RIC1: variants seen among roughly 807,000 people sequenced by gnomAD.
RIC1 encodes the protein guanine nucleotide exchange factor subunit RIC1.
Under a neutral mutation model 169.0 loss-of-function variants are expected in RIC1, and 88 were observed. The observed-to-expected ratio is 0.52, with a 90% CI of 0.44 to 0.62. The LOEUF (loss-of-function observed/expected upper bound fraction) is 0.62, where lower values mean the gene tolerates loss of function less well. Among genes scored for constraint, RIC1 ranks in the 20% least tolerant of loss-of-function variants. The pLI, the probability that RIC1 is intolerant of heterozygous loss-of-function variation, is 0.00. For missense variants in RIC1, 1,877 were observed against 1,725.5 expected (o/e 1.09, Z -1.56); for synonymous variants, 790 against 601.5 (o/e 1.31, Z -4.59).
chr9:5,674,903 T>C (rs1820352203), intron 2 of RIC1, among the ~76,000 whole-genome samples: 1 of 152,252 alleles, frequency 6.6e-6, no homozygotes, highest in Non-Finnish European at 1.5e-5. Flanking sequence ...TCTAAATTGA[T>C]TGAGACCTGT....
chr9:5,647,542 A>G (rs915338747), intron 1 of RIC1, among the ~76,000 whole-genome samples: 2 of 152,138 alleles, frequency 1.3e-5, no homozygotes, highest in African/African-American at 4.8e-5. Context: ...GTTTAGTCCT[A>G]AGTACTTTAT....
intron 1 of RIC1, among the ~76,000 whole-genome samples, chr9:5,637,979 T>C (rs987364630): frequency 2.0e-5 from 3 of 152,222 alleles, no homozygotes; most frequent in African/African-American, 7.2e-5. Flanking sequence ...ATACTAGCTA[T>C]GGGTCTGTTA....
intron 3 of RIC1, among the ~76,000 whole-genome samples, chr9:5,699,322 G>A (rs959666937): frequency 2.6e-5 from 4 of 152,200 alleles, no homozygotes; most frequent in Non-Finnish European, 4.4e-5. Flanking sequence ...TGTGGGGTAT[G>A]TGTGTGAGTG....
chr9:5,665,801 C>T lies in RIC1; in HGVS notation c.252+9111C>T, dbSNP rs545873088. On this transcript the variant is annotated intron_variant, in intron 2 of 25. Coordinates refer to ENST00000414202, the MANE Select transcript of RIC1 (RefSeq NM_020829.4). ...GCAAAACAGCAAAGATGGCAGCCTC[C>T]TTCTTCTTTGGAAGCTCCTTCACAG... is the stretch of plus-strand genomic sequence containing the variant. 4.6e-5 allele frequency among the ~76,000 whole-genome samples: 7 copies of T among 152,270 alleles called. No individual in the cohort carries two copies. The South Asian group carries it at 1.0e-3, about 23-fold the overall frequency.
chr9:5,728,232 C>A (rs375780418), intron 6 of RIC1, among the ~76,000 whole-genome samples: 2 of 152,228 alleles, frequency 1.3e-5, no homozygotes, highest in East Asian at 3.9e-4. Context: ...CCTATTCAAG[C>A]CTTAGCAATG....
intron 2 of RIC1, 33 bp downstream of exon 2, chr9:5,656,723 T>C: frequency 8.1e-7 from 1 of 1,230,360 alleles, no homozygotes; most frequent in Non-Finnish European, 1.2e-6. Flanking sequence ...TAGTGTTTTC[T>C]TATGAAATCA....
chr9:5,727,858 C>A (rs978325096), intron 6 of RIC1, among the ~76,000 whole-genome samples: 1 of 152,182 alleles, frequency 6.6e-6, no homozygotes, highest in Admixed American at 6.5e-5. Context: ...CAGAACAGCA[C>A]ATATTGCAGA....
intron 2 of RIC1, among the ~76,000 whole-genome samples, chr9:5,669,731 C>T (rs558589165): frequency 6.6e-6 from 1 of 152,248 alleles, no homozygotes; most frequent in Admixed American, 6.5e-5. Context: ...AGAGATTGGG[C>T]TCACTTCTTC....
chr9:5,705,713 G>A (rs761467764), intron 3 of RIC1, among the ~76,000 whole-genome samples: 30 of 152,174 alleles, frequency 2.0e-4, no homozygotes, highest in Non-Finnish European at 3.8e-4. Context: ...ATGCATGATC[G>A]TAGCGGGAAA....
intron 2 of RIC1, 106 bp from the exon 3 acceptor site, chr9:5,689,853 T>A: frequency 1.4e-6 from 1 of 699,012 alleles, no homozygotes; most frequent in South Asian, 1.9e-5. Context: ...AGGGAGGGTA[T>A]TGGAGAATAA....
At chr9:5,712,156 C>T (rs990115907) in intron 3 of RIC1, among the ~76,000 whole-genome samples, 3 of 152,216 alleles carry the variant, frequency 2.0e-5, no homozygotes, top group African/African-American at 7.2e-5. Context: ...GCCACACTGT[C>T]TTCCACAATA....
rs1826658979 is a variant in RIC1, at chr9:5,765,409, T to C, written c.2842-5T>C. 2 of 1,608,954 alleles carry C rather than the reference T, an allele frequency of 1.2e-6. No homozygotes were observed. The highest frequency in any genetic ancestry group is 1.1e-5 in the South Asian group (1 of 90,038). The stretch of plus-strand genomic sequence containing the variant: ...AAAGAATGCTGTCCTGGTTGTTTTT[T>C]GTAGAATATGGAAGTCCCTGCAGTA... On this transcript the variant is annotated splice_region_variant and splice_polypyrimidine_tract_variant and intron_variant, in intron 19 of 25. Coordinates refer to ENST00000414202, the MANE Select transcript of RIC1 (RefSeq NM_020829.4).
intron 2 of RIC1, among the ~76,000 whole-genome samples, chr9:5,660,529 T>C (rs1266704468): frequency 6.6e-6 from 1 of 152,224 alleles, no homozygotes; most frequent in African/African-American, 2.4e-5. Context: ...TTTTTGACTT[T>C]TTAGTAATAG....
rs114255892 is a variant in RIC1 at position 5,708,302 on chromosome 9, A to C, written c.333-5594A>C. Among the ~76,000 whole-genome samples the C allele has an allele frequency of 9.4e-3, 1,425 of 152,252 alleles. 24 individuals carry two copies. The highest frequency in any genetic ancestry group is 0.032 in the African/African-American group (1,313 of 41,566). On this transcript the variant is annotated intron_variant, in intron 3 of 25. Coordinates refer to ENST00000414202, the MANE Select transcript of RIC1 (RefSeq NM_020829.4). ...ACTTGTCTTTTGAGTCATATAGGGA[A>C]AAAAAGGCAGATTTCTGAACCAAAA...
chr9:5,715,459 G>T (rs16923450), intron 4 of RIC1, among the ~76,000 whole-genome samples: 3,430 of 152,270 alleles, frequency 0.023, 137 homozygotes, highest in African/African-American at 0.078. Context: ...CAAAACTCCA[G>T]TGAAATAACT....
In RIC1 at chr9:5,763,169, C is replaced by T. The variant is rs1405226317; in HGVS notation, c.2142C>T (p.Ala714=). The T allele has an allele frequency of 1.9e-6, 3 of 1,613,938 alleles. No homozygotes were observed. In the African/African-American group the frequency reaches 4.0e-5, roughly 22 times the overall value. ...CATTCTGTCCTCCTGTTGTACTAGC[C>T]CAGTCTGTTGAAAATGTCTGGACAA... The part of the protein sequence containing the change: ...LLPFCPPVVL[A]QSVENVWTTC... Residue 714 remains alanine (A), a synonymous_variant, in exon 19 of 26, where the codon GCC becomes GCT. Transcript: ENST00000414202. This position sits in a 1 kb window ranked among gnomAD's most constrained non-coding sequence, Gnocchi z 5.2.
chr9:5,733,939 A>G (rs1053831295), intron 7 of RIC1, among the ~76,000 whole-genome samples: 3 of 151,008 alleles, frequency 2.0e-5, no homozygotes, highest in Non-Finnish European at 2.9e-5. Context: ...GAATTTGCCA[A>G]TGAGAAGCCA....
intron 3 of RIC1, among the ~76,000 whole-genome samples, chr9:5,697,276 A>G (rs1293967096): frequency 1.3e-5 from 2 of 152,136 alleles, no homozygotes; most frequent in South Asian, 2.1e-4. Flanking sequence ...CTCACTCTAC[A>G]TGATGGACAA....
intron 1 of RIC1, among the ~76,000 whole-genome samples, chr9:5,646,050 A>G (rs1282884858): frequency 6.6e-6 from 1 of 151,892 alleles, no homozygotes; most frequent in Admixed American, 6.6e-5. Context: ...CTTACCAGCA[A>G]TACAGTGGTT....
Sources: allele counts gnomAD v4.1 joint callset (sites outside exome capture counted in the v4.1 genomes callset), GRCh38; gene constraint gnomAD v4.1.1; non-coding constraint Gnocchi (gnomAD v3.1); transcripts MANE v1.5; gene names NCBI Gene and HGNC (gene_info 2026-07-23, HGNC 2026-07-21).